Variants in MOB3B observed in about 807,000 individuals in gnomAD.
MOB3B encodes the protein MOB kinase activator-like 2B.
Under a neutral mutation model 18.7 loss-of-function variants are expected in MOB3B, and 7 were observed. That is an observed-to-expected ratio of 0.37 (90% confidence interval 0.21 to 0.70). The LOEUF (loss-of-function observed/expected upper bound fraction) is 0.70. MOB3B is among the 30% of genes least tolerant of loss of function. The pLI is 0.52. For missense variants in MOB3B, 253 were observed against 281.3 expected, an observed-to-expected ratio of 0.90 and a Z score of 0.72; for synonymous variants, 111 against 99.9, an observed-to-expected ratio of 1.11 and a Z score of -0.66.
intron 2 of MOB3B, among the ~76,000 whole-genome samples, chr9:27,432,383 T>C (rs1822430773): frequency 6.6e-6 from 1 of 152,264 alleles, no homozygotes; most frequent in South Asian, 2.1e-4. Flanking sequence ...TTCTATTCAG[T>C]ATTGTCATAG....
chr9:27,450,214 T>A (rs1822763847), intron 2 of MOB3B, among the ~76,000 whole-genome samples: 1 of 152,118 alleles, frequency 6.6e-6, no homozygotes, highest in Non-Finnish European at 1.5e-5. Flanking sequence ...ACTACTTACT[T>A]TAGAAATATG....
chr9:27,348,609 T>C (rs566923444), intron 3 of MOB3B, among the ~76,000 whole-genome samples: 32 of 151,682 alleles, frequency 2.1e-4, no homozygotes, highest in African/African-American at 7.5e-4. Context: ...GCCGAGATCA[T>C]GCCACTGCAC....
chr9:27,448,145 A>G (rs949404504), intron 2 of MOB3B, among the ~76,000 whole-genome samples: 1 of 152,184 alleles, frequency 6.6e-6, no homozygotes, highest in Admixed American at 6.5e-5. Context: ...TGTTGGAGTC[A>G]TTGACAGCAT....
chr9:27,399,852 G>A (rs1241111549), intron 2 of MOB3B, among the ~76,000 whole-genome samples: 2 of 152,126 alleles, frequency 1.3e-5, no homozygotes, highest in Non-Finnish European at 2.9e-5. Context: ...GTGCCACATA[G>A]CTCAGTGAGT....
At chr9:27,459,019 C>G (rs1819235972) in intron 1 of MOB3B, among the ~76,000 whole-genome samples, 1 of 150,800 alleles carries the variant, frequency 6.6e-6, no homozygotes, top group African/African-American at 2.5e-5. Context: ...AGGCCCCCCC[C>G]CATGTTTAAA....
At chr9:27,336,785 C>A (rs182595651) in intron 3 of MOB3B, among the ~76,000 whole-genome samples, 1 of 152,062 alleles carries the variant, frequency 6.6e-6, no homozygotes, top group African/African-American at 2.4e-5. Flanking sequence ...TATACTCATG[C>A]GTACACACCC....
At position 27,384,497 on chromosome 9, in the gene MOB3B, A is replaced by C. The variant is rs116149199; in HGVS notation, c.419-25261T>G. On this transcript the variant is annotated intron_variant, in intron 2 of 3. Transcript: ENST00000262244. ...TGGCACACCCCTCACTGGACTAATG[A>C]AAAAAATCTGGCCATTTGACAGCAA... 8.3e-3 allele frequency among the ~76,000 whole-genome samples: 1,267 copies of C among 152,254 alleles called. 25 individuals are homozygous for C. Among genetic ancestry groups the C allele is most frequent in the African/African-American group, 0.028 (1,181 of 41,536 alleles).
chr9:27,390,841 G>A (rs892058667), intron 2 of MOB3B, among the ~76,000 whole-genome samples: 2 of 152,074 alleles, frequency 1.3e-5, no homozygotes, highest in Non-Finnish European at 2.9e-5. Flanking sequence ...GAGCCCTCAC[G>A]AATGGGATTA....
intron 2 of MOB3B, among the ~76,000 whole-genome samples, chr9:27,449,110 A>G (rs1822742714): frequency 6.6e-6 from 1 of 152,204 alleles, no homozygotes; most frequent in Non-Finnish European, 1.5e-5. Context: ...CTAGAGTTAG[A>G]TGCTCATCTG....
intron 1 of MOB3B, chr9:27,524,521 A>C (rs751585682): frequency 1.2e-6 from 2 of 1,614,144 alleles, no homozygotes; most frequent in African/African-American, 1.3e-5. Context: ...TGTCTACGAG[A>C]AAACATAGCT....
At chr9:27,439,163 G>C (rs1281562557) in intron 2 of MOB3B, among the ~76,000 whole-genome samples, 1 of 152,116 alleles carries the variant, frequency 6.6e-6, no homozygotes, top group Non-Finnish European at 1.5e-5. Context: ...GGTTTCCTGA[G>C]GTTACAGGGG....
intron 1 of MOB3B, among the ~76,000 whole-genome samples, chr9:27,510,170 G>C (rs2131500528): frequency 6.6e-6 from 1 of 152,254 alleles, no homozygotes; most frequent in Non-Finnish European, 1.5e-5. Context: ...TGTGGTAATA[G>C]AAAAAGAGAA....
chr9:27,332,928 G>A (rs1172921609), intron 3 of MOB3B, among the ~76,000 whole-genome samples: 1 of 152,202 alleles, frequency 6.6e-6, no homozygotes, highest in African/African-American at 2.4e-5. Flanking sequence ...TATGCAATCG[G>A]ATAATACTGG....
intron 2 of MOB3B, among the ~76,000 whole-genome samples, chr9:27,360,262 G>A (rs988751763): frequency 6.6e-6 from 1 of 152,200 alleles, no homozygotes; most frequent in African/African-American, 2.4e-5. Context: ...CCAGCACTTT[G>A]GGAGGCTGAG....
intron 1 of MOB3B, among the ~76,000 whole-genome samples, chr9:27,522,376 A>C (rs1201259538): frequency 6.7e-6 from 1 of 149,324 alleles, no homozygotes; most frequent in Non-Finnish European, 1.5e-5. Flanking sequence ...TTCCAGTTAG[A>C]GATAGTGACT....
intron 2 of MOB3B, among the ~76,000 whole-genome samples, chr9:27,442,234 A>T (rs1002626209): frequency 6.6e-6 from 1 of 152,202 alleles, no homozygotes; most frequent in Non-Finnish European, 1.5e-5. Context: ...CAGGATTTTC[A>T]GTAATTTTTA....
At chr9:27,346,888 C>T (rs1166120082) in intron 3 of MOB3B, among the ~76,000 whole-genome samples, 4 of 151,928 alleles carry the variant, frequency 2.6e-5, no homozygotes, top group South Asian at 2.1e-4. Context: ...CCCAGCTACT[C>T]GGGAGTCTGA....
At chr9:27,432,867 A>G (rs567117367) in intron 2 of MOB3B, among the ~76,000 whole-genome samples, 24 of 152,316 alleles carry the variant, frequency 1.6e-4, no homozygotes, top group Middle Eastern at 6.8e-3. Flanking sequence ...GGATGACATG[A>G]AAAGAAGAGG....
At chr9:27,425,432 C>A (rs79283235) in intron 2 of MOB3B, among the ~76,000 whole-genome samples, 5,259 of 151,680 alleles carry the variant, frequency 0.035, 278 homozygotes, top group African/African-American at 0.12. Context: ...GGGGGCAGAT[C>A]TGTTTCTAAA....
Sources: allele counts gnomAD v4.1 joint callset (sites outside exome capture counted in the v4.1 genomes callset), GRCh38; gene constraint gnomAD v4.1.1; transcripts MANE v1.5; gene names NCBI Gene and HGNC (gene_info 2026-07-23, HGNC 2026-07-21).